Variants in HDHD2 observed in about 807,000 individuals in gnomAD.
HDHD2 encodes the protein haloacid dehalogenase-like hydrolase domain-containing protein 2.
A neutral mutation model predicts 24.8 loss-of-function variants in HDHD2; 26 were observed. The observed-to-expected ratio is 1.05, with a 90% confidence interval of 0.77 to 1.45. The LOEUF is 1.45. HDHD2 is among the 40% of genes most tolerant of loss of function. The pLI, the probability that HDHD2 is intolerant of heterozygous loss-of-function variation, is 0.00. For synonymous variants in HDHD2, 128 were observed against 114.9 expected (o/e 1.11, Z -0.73); for missense variants, 299 against 313.4 (o/e 0.95, Z 0.35).
At chr18:47,132,057 T>C (rs2063718405) in intron 3 of HDHD2, among the ~76,000 whole-genome samples, 1 of 152,180 alleles carries the variant, frequency 6.6e-6, no homozygotes, top group Non-Finnish European at 1.5e-5. Context: ...TCTTGATCCA[T>C]CCCCTCTTCC....
At chr18:47,132,046 A>G (rs1284677848) in intron 3 of HDHD2, among the ~76,000 whole-genome samples, 2 of 152,198 alleles carry the variant, frequency 1.3e-5, no homozygotes, top group African/African-American at 4.8e-5. Flanking sequence ...AAAGCCTCCT[A>G]TCTTGATCCA....
chr18:47,136,453 GGAGA>G lies in HDHD2; in HGVS notation c.-10-8_-10-5del. 6.2e-7 allele frequency: 1 copy of G among 1,609,574 alleles called. No homozygotes were observed. Among genetic ancestry groups the G allele is most frequent in the South Asian group, 1.1e-5 (1 of 90,632 alleles). ...GCATGCTGCCATCCTTCATTCCCTAGGAGAGAGCAAATGAAATTAAAAATACAGT... is the reference window on the plus strand; with the variant it reads ...GCATGCTGCCATCCTTCATTCCCTAGGAGCAAATGAAATTAAAAATACAGT... On this transcript the variant is annotated splice_region_variant and splice_polypyrimidine_tract_variant and intron_variant, in intron 1 of 6. Transcript: ENST00000300605.
intron 6 of HDHD2, among the ~76,000 whole-genome samples, chr18:47,112,578 C>A (rs1487404471): frequency 1.3e-5 from 2 of 152,186 alleles, no homozygotes; most frequent in African/African-American, 2.4e-5. Flanking sequence ...CACAAAGAAT[C>A]AGATCACTTA....
intron 4 of HDHD2, among the ~76,000 whole-genome samples, chr18:47,121,282 A>G (rs2063604314): frequency 6.6e-6 from 1 of 152,238 alleles, no homozygotes; most frequent in East Asian, 1.9e-4. Flanking sequence ...TCCAACGTCA[A>G]ACTGGTAAGT....
At chr18:47,134,349 G>T in intron 3 of HDHD2, 147 bp downstream of exon 3, 1 of 668,916 alleles carries the variant, frequency 1.5e-6, no homozygotes, top group Non-Finnish European at 2.5e-6. Context: ...TTTGGGAAAT[G>T]CCAATTTAGA....
intron 1 of HDHD2, among the ~76,000 whole-genome samples, chr18:47,145,910 G>C (rs928418952): frequency 1.3e-5 from 2 of 152,126 alleles, no homozygotes; most frequent in African/African-American, 4.8e-5. Flanking sequence ...TAGAAAAACT[G>C]CATAAGATCT....
chr18:47,128,764 G>A (rs2063684295), intron 4 of HDHD2, among the ~76,000 whole-genome samples: 1 of 152,206 alleles, frequency 6.6e-6, no homozygotes, highest in African/African-American at 2.4e-5. Context: ...TGCACACACG[G>A]TAAACGGTGG....
chr18:47,117,358 G>A (rs952176925), intron 4 of HDHD2, among the ~76,000 whole-genome samples: 1 of 152,100 alleles, frequency 6.6e-6, no homozygotes, highest in African/African-American at 2.4e-5. Flanking sequence ...GGTCATGAGA[G>A]CTCCACCGTT....
At chr18:47,123,310 G>A (rs946065754) in intron 4 of HDHD2, among the ~76,000 whole-genome samples, 3 of 152,088 alleles carry the variant, frequency 2.0e-5, no homozygotes, top group East Asian at 1.9e-4. Context: ...ATACAAGGCC[G>A]GGCACAGTGG....
intron 4 of HDHD2, among the ~76,000 whole-genome samples, chr18:47,124,416 G>A (rs2063636633): frequency 6.6e-6 from 1 of 152,084 alleles, no homozygotes; most frequent in Non-Finnish European, 1.5e-5. Flanking sequence ...AACACATTAA[G>A]AACTCTAAGG....
In HDHD2 at chr18:47,115,196, G is replaced by T. The variant is rs374879684; in HGVS notation, c.548C>A (p.Thr183Lys). ...GCCCCGCAATGCTTCCAAAAAGAAC[G>T]TCTTCTCTGGTTTCCCCACGACTGT... ...KATVVGKPEK[T>K]FFLEALRGTG... The change falls in exon 5 of 7, where the codon ACG (threonine) becomes AAG (lysine). Residue 183 changes from threonine (T) to lysine (K), a missense_variant. Physicochemically the swap from Thr to Lys is moderately conservative, Grantham distance 78. Transcript: ENST00000300605. 6.2e-7 allele frequency: 1 copy of T among 1,613,870 alleles called. No individual in the cohort carries two copies. The highest frequency in any genetic ancestry group is 2.2e-5 in the East Asian group (1 of 44,854).
chr18:47,136,427 G>T lies in HDHD2; in HGVS notation c.13C>A (p.Arg5Ser). The T allele has an allele frequency of 6.2e-7, 1 of 1,612,556 alleles. No individual in the cohort carries two copies. Among genetic ancestry groups the T allele is most frequent in the East Asian group, 2.2e-5 (1 of 44,878 alleles). ...TCTACCAAAACAGCTTTTAATGCAC[G>T]GCATGCTGCCATCCTTCATTCCCTA... MAAC[R>S]ALKAVLVDLS... Residue 5 changes from arginine (R) to serine (S), a missense_variant, in exon 2 of 7, where the codon CGT (arginine) becomes AGT (serine). By Grantham distance (110) the Arg-to-Ser change is moderately radical. Coordinates refer to ENST00000300605, the MANE Select transcript of HDHD2 (RefSeq NM_032124.5).
chr18:47,114,086 C>T (rs149723957), intron 5 of HDHD2, among the ~76,000 whole-genome samples: 94 of 152,298 alleles, frequency 6.2e-4, no homozygotes, highest in Non-Finnish European at 1.1e-3. Context: ...CTCAGATAAC[C>T]ACTTTTTTAG....
intron 1 of HDHD2, among the ~76,000 whole-genome samples, chr18:47,143,203 G>A (rs753606080): frequency 1.2e-4 from 19 of 152,134 alleles, no homozygotes; most frequent in Non-Finnish European, 2.5e-4. Flanking sequence ...TGTAATCCCA[G>A]CACTTTGGGT....
intron 4 of HDHD2, among the ~76,000 whole-genome samples, chr18:47,119,943 G>C (rs947920341): frequency 4.6e-5 from 7 of 152,200 alleles, no homozygotes; most frequent in African/African-American, 1.7e-4. Context: ...GTGACCAGTT[G>C]CTTTGTCCAT....
chr18:47,117,862 C>T (rs189599345), intron 4 of HDHD2, among the ~76,000 whole-genome samples: 5 of 151,918 alleles, frequency 3.3e-5, no homozygotes, highest in Admixed American at 1.3e-4. Flanking sequence ...TATTGTGATA[C>T]TTATTTTATT....
intron 4 of HDHD2, among the ~76,000 whole-genome samples, chr18:47,119,511 G>A (rs563300997): frequency 6.6e-6 from 1 of 152,284 alleles, no homozygotes; most frequent in Non-Finnish European, 1.5e-5. Context: ...TCATGAGATC[G>A]CAGCGATTCA....
intron 4 of HDHD2, among the ~76,000 whole-genome samples, chr18:47,126,322 G>A (rs2063657592): frequency 6.6e-6 from 1 of 152,150 alleles, no homozygotes. Flanking sequence ...GGCCATTACT[G>A]TCTGTTTGTC....
At chr18:47,145,569 CAT>C (rs906948528) in intron 1 of HDHD2, among the ~76,000 whole-genome samples, 15 of 152,250 alleles carry the variant, frequency 9.9e-5, no homozygotes, top group South Asian at 4.2e-4. Context: ...GGAATATCCA[CAT>C]GAGAAAAAAT....
Sources: allele counts gnomAD v4.1 joint callset (sites outside exome capture counted in the v4.1 genomes callset), GRCh38; gene constraint gnomAD v4.1.1; transcripts MANE v1.5; gene names NCBI Gene and HGNC (gene_info 2026-07-23, HGNC 2026-07-21).